Variants in CNTN5 observed in about 807,000 individuals in gnomAD.
The protein encoded by CNTN5 is contactin 5, also known as contactin-5.
In CNTN5, 77 loss-of-function variants were observed where a neutral mutation model predicts 129.1. The ratio of observed to expected loss-of-function variants is 0.60; its 90% CI spans 0.50 to 0.72. CNTN5 has a LOEUF of 0.72. Among genes scored for constraint, CNTN5 ranks in the 30% least tolerant of loss-of-function variants. The probability of loss-of-function intolerance (pLI) is 0.00; values close to 1 mark genes in which losing one functional copy is unlikely to be tolerated. For synonymous variants in CNTN5, 509 were observed against 465.6 expected (o/e 1.09, Z -1.20); for missense variants, 1,478 against 1,328.8 (o/e 1.11, Z -1.75).
At chr11:99,800,525 T>A (rs1946081205) in intron 3 of CNTN5, among the ~76,000 whole-genome samples, 3 of 152,254 alleles carry the variant, frequency 2.0e-5, no homozygotes, top group African/African-American at 7.2e-5. Flanking sequence ...ATCTGTCTGA[T>A]GCTGTCAGTA....
At chr11:100,140,806 G>T (rs980500926) in intron 13 of CNTN5, among the ~76,000 whole-genome samples, 4 of 152,094 alleles carry the variant, frequency 2.6e-5, no homozygotes, top group African/African-American at 4.8e-5. Context: ...TAGGAAGAAG[G>T]TTACTATATA....
chr11:99,435,919 A>G (rs919880713), intron 2 of CNTN5, among the ~76,000 whole-genome samples: 8 of 152,222 alleles, frequency 5.3e-5, no homozygotes, highest in Admixed American at 2.0e-4. Flanking sequence ...TGTAACAGAT[A>G]TATTCAGAAT....
intron 13 of CNTN5, 55 bp downstream of exon 13, chr11:100,074,349 G>T: frequency 7.2e-7 from 1 of 1,397,232 alleles, no homozygotes; most frequent in South Asian, 1.3e-5. Flanking sequence ...GAGGTTACAG[G>T]TGACACACAC....
At chr11:99,276,128 T>C (rs975924030) in intron 1 of CNTN5, among the ~76,000 whole-genome samples, 7 of 151,716 alleles carry the variant, frequency 4.6e-5, no homozygotes, top group African/African-American at 1.7e-4. Flanking sequence ...TTTTCTCAAT[T>C]ATCTCATTGG....
intron 3 of CNTN5, among the ~76,000 whole-genome samples, chr11:99,694,509 C>T (rs1223327427): frequency 6.6e-6 from 1 of 152,084 alleles, no homozygotes; most frequent in Non-Finnish European, 1.5e-5. Flanking sequence ...AACTAAAATA[C>T]GTAGTCACCA....
chr11:99,928,491 C>A (rs1171809304), intron 7 of CNTN5, among the ~76,000 whole-genome samples: 1 of 152,216 alleles, frequency 6.6e-6, no homozygotes, highest in African/African-American at 2.4e-5. Context: ...GGTTCCCAAA[C>A]CTCAATTCTT....
intron 3 of CNTN5, among the ~76,000 whole-genome samples, chr11:99,670,605 A>G (rs1276258262): frequency 6.6e-6 from 1 of 152,186 alleles, no homozygotes. Flanking sequence ...GGCTTTGCCT[A>G]ACTCTACAGT....
chr11:99,582,186 G>A (rs564768225), intron 3 of CNTN5, among the ~76,000 whole-genome samples: 16 of 152,232 alleles, frequency 1.1e-4, no homozygotes, highest in Non-Finnish European at 1.9e-4. Context: ...AGTTTCTGCC[G>A]AGAGATCAGC....
chr11:99,242,229 T>A (rs558164803), intron 1 of CNTN5, among the ~76,000 whole-genome samples: 2 of 152,108 alleles, frequency 1.3e-5, no homozygotes, highest in African/African-American at 4.8e-5. Flanking sequence ...AAGAAAAACA[T>A]TGGGCTCATT....
intron 2 of CNTN5, among the ~76,000 whole-genome samples, chr11:99,375,921 A>G (rs990359755): frequency 6.6e-6 from 1 of 152,198 alleles, no homozygotes; most frequent in Non-Finnish European, 1.5e-5. Flanking sequence ...TTATAACCAT[A>G]TTTAATCTAC....
At chr11:99,767,361 C>T (rs1398528642) in intron 3 of CNTN5, among the ~76,000 whole-genome samples, 1 of 151,950 alleles carries the variant, frequency 6.6e-6, no homozygotes, top group East Asian at 1.9e-4. Flanking sequence ...ATGTTTGAGT[C>T]TTATCTGTTA....
intron 2 of CNTN5, among the ~76,000 whole-genome samples, chr11:99,521,823 T>G (rs150409536): frequency 6.6e-6 from 1 of 152,336 alleles, no homozygotes; most frequent in East Asian, 1.9e-4. Flanking sequence ...ACAGTTGTTT[T>G]AGAACAAAAT....
chr11:99,965,698 C>G (rs577748768), intron 8 of CNTN5, among the ~76,000 whole-genome samples: 3 of 152,050 alleles, frequency 2.0e-5, no homozygotes, highest in African/African-American at 7.2e-5. Context: ...GAGCTGAGTT[C>G]AATTCCTGGA....
At chr11:99,471,862 A>G (rs1393527330) in intron 2 of CNTN5, among the ~76,000 whole-genome samples, 2 of 152,132 alleles carry the variant, frequency 1.3e-5, no homozygotes, top group East Asian at 3.9e-4. Flanking sequence ...CAGAAATTAT[A>G]TCTCTGTTTG....
chr11:99,304,860 C>A (rs1332110501), intron 1 of CNTN5, among the ~76,000 whole-genome samples: 3 of 152,130 alleles, frequency 2.0e-5, no homozygotes, highest in Non-Finnish European at 4.4e-5. Context: ...AATTTTGACT[C>A]CCTACGAGTT....
intron 2 of CNTN5, among the ~76,000 whole-genome samples, chr11:99,437,693 T>C (rs1401644167): frequency 2.0e-5 from 3 of 151,946 alleles, no homozygotes; most frequent in Non-Finnish European, 4.4e-5. Flanking sequence ...CCGGGTGGCA[T>C]GCGCCTGTAA....
intron 8 of CNTN5, among the ~76,000 whole-genome samples, chr11:99,982,997 A>G (rs1303360766): frequency 6.6e-6 from 1 of 152,202 alleles, no homozygotes; most frequent in African/African-American, 2.4e-5. Context: ...CCAAAGAGTA[A>G]CAGGTAGCCA....
chr11:99,071,271 T>A (rs1006518857), intron 1 of CNTN5, among the ~76,000 whole-genome samples: 2 of 152,152 alleles, frequency 1.3e-5, no homozygotes, highest in African/African-American at 4.8e-5. Context: ...ACAGAGGTTT[T>A]TTTTGTTTTG....
intron 3 of CNTN5, among the ~76,000 whole-genome samples, chr11:99,724,558 T>C (rs778799537): frequency 3.3e-5 from 5 of 152,200 alleles, no homozygotes; most frequent in Non-Finnish European, 5.9e-5. Context: ...GGTACTATTA[T>C]TATCCCCAAA....
Sources: allele counts gnomAD v4.1 joint callset (sites outside exome capture counted in the v4.1 genomes callset), GRCh38; gene constraint gnomAD v4.1.1; transcripts MANE v1.5; gene names NCBI Gene and HGNC (gene_info 2026-07-23, HGNC 2026-07-21).